Variants in WWC1 observed in about 807,000 individuals in gnomAD.
WWC1 encodes WW and C2 domain containing 1.
In WWC1, 55 loss-of-function variants were observed where a neutral mutation model predicts 138.4. The observed-to-expected ratio is 0.40, with a 90% CI of 0.32 to 0.50. The LOEUF (loss-of-function observed/expected upper bound fraction) is 0.50. Among genes scored for constraint, WWC1 ranks in the 20% least tolerant of loss-of-function variants. WWC1 has a pLI of 0.72. For missense variants in WWC1, 1,226 were observed against 1,420.4 expected (o/e 0.86, Z 2.20); for synonymous variants, 524 against 564.9 (o/e 0.93, Z 1.03).
At chr5:168,314,995 A>G (rs773381318) in intron 1 of WWC1, among the ~76,000 whole-genome samples, 39 of 151,966 alleles carry the variant, frequency 2.6e-4, no homozygotes, top group Non-Finnish European at 4.0e-4. Context: ...CTCAGAAGAC[A>G]CTCAGTCCGT....
At chr5:168,375,853 A>T (rs1582083267) in intron 2 of WWC1, among the ~76,000 whole-genome samples, 1 of 151,184 alleles carries the variant, frequency 6.6e-6, no homozygotes, top group South Asian at 2.1e-4. Context: ...GGGAATACAG[A>T]CGTGAGCCAC....
chr5:168,296,845 G>C (rs1769578860), intron 1 of WWC1, among the ~76,000 whole-genome samples: 1 of 152,182 alleles, frequency 6.6e-6, no homozygotes, highest in South Asian at 2.1e-4. Flanking sequence ...TTTACTTCCT[G>C]CTGAGTTAGC....
Position 168,454,111 on chromosome 5 carries a change from C to A in WWC1, c.2658+11C>A, listed in dbSNP as rs1756087170. On this transcript the variant is annotated intron_variant, in intron 18 of 22. Transcript: ENST00000265293. ...TACCCAGCATTAAAGGTAGGAAGGG[C>A]TGGGGGGATAGAAGGGCTGTCGTGG... is the stretch of plus-strand genomic sequence containing the variant. 1.2e-6 allele frequency: 2 copies of A among 1,609,794 alleles called. No homozygotes were observed. The highest frequency in any genetic ancestry group is 1.7e-6 in the Non-Finnish European group (2 of 1,178,890).
chr5:168,381,609 C>T (rs956699061), intron 2 of WWC1, among the ~76,000 whole-genome samples: 1 of 152,104 alleles, frequency 6.6e-6, no homozygotes, highest in East Asian at 1.9e-4. Flanking sequence ...AAAAAATTCT[C>T]CCGGGTGATT....
intron 7 of WWC1, among the ~76,000 whole-genome samples, chr5:168,409,566 T>C (rs1780066586): frequency 6.6e-6 from 1 of 152,180 alleles, no homozygotes; most frequent in South Asian, 2.1e-4. Flanking sequence ...GCCCCTAGAA[T>C]GAGTTTCTTG....
intron 1 of WWC1, among the ~76,000 whole-genome samples, chr5:168,315,143 A>G (rs1260227866): frequency 1.3e-5 from 2 of 151,964 alleles, no homozygotes; most frequent in Admixed American, 6.6e-5. Context: ...TTCCAGGAAA[A>G]TAAACCAATA....
intron 12 of WWC1, 39 bp from the exon 13 acceptor site, chr5:168,428,668 G>A (rs1284514402): frequency 2.5e-6 from 4 of 1,597,580 alleles, no homozygotes; most frequent in Non-Finnish European, 3.4e-6. Context: ...TTTGTTCACT[G>A]TAGGGAAGCC....
chr5:168,445,654 A>T (rs549308677), intron 17 of WWC1, among the ~76,000 whole-genome samples: 3 of 141,872 alleles, frequency 2.1e-5, no homozygotes, highest in African/African-American at 2.7e-5. Flanking sequence ...GTGAACCGAG[A>T]TTGCGCCACT....
chr5:168,311,677 C>T (rs1256379866), intron 1 of WWC1, among the ~76,000 whole-genome samples: 1 of 152,116 alleles, frequency 6.6e-6, no homozygotes, highest in Non-Finnish European at 1.5e-5. Context: ...TCAAGACCAG[C>T]CTGGCCAACA....
intron 3 of WWC1, among the ~76,000 whole-genome samples, chr5:168,395,442 G>A (rs2152828187): frequency 6.6e-6 from 1 of 152,254 alleles, no homozygotes; most frequent in Admixed American, 6.5e-5. Context: ...TTAATATTTT[G>A]TTGAAAGGAC....
At chr5:168,368,148 C>T (rs6555804) in intron 1 of WWC1, among the ~76,000 whole-genome samples, 82,559 of 148,118 alleles carry the variant, frequency 0.56, 23,131 homozygotes, top group South Asian at 0.65. Flanking sequence ...TGGAGTGCAA[C>T]GGCACGATCT....
chr5:168,386,606 A>G (rs1778069507), intron 3 of WWC1, among the ~76,000 whole-genome samples: 1 of 151,726 alleles, frequency 6.6e-6, no homozygotes, highest in Non-Finnish European at 1.5e-5. Context: ...TGTGTTAGCC[A>G]GGATGATCTC....
chr5:168,416,765 T>C (rs1780691440), intron 9 of WWC1, among the ~76,000 whole-genome samples: 1 of 152,238 alleles, frequency 6.6e-6, no homozygotes. Context: ...AAAAACAGGA[T>C]ACATTAAGTC....
chr5:168,357,387 G>A (rs530312890), intron 1 of WWC1, among the ~76,000 whole-genome samples: 35 of 151,058 alleles, frequency 2.3e-4, no homozygotes, highest in South Asian at 4.2e-4. Flanking sequence ...AGCTCAAAGC[G>A]TCTGCCAACC....
chr5:168,418,130 A>G (rs1780793627), intron 9 of WWC1, among the ~76,000 whole-genome samples: 2 of 152,138 alleles, frequency 1.3e-5, no homozygotes, highest in Non-Finnish European at 2.9e-5. Flanking sequence ...TCTTCACACA[A>G]CAGCCTCACA....
chr5:168,333,575 C>T (rs1773209820), intron 1 of WWC1, among the ~76,000 whole-genome samples: 1 of 152,164 alleles, frequency 6.6e-6, no homozygotes, highest in Admixed American at 6.5e-5. Context: ...CTTTTGCAAC[C>T]TGTAGAGGCT....
chr5:168,447,795 CTCTCTCTCTG>C (rs1334268125), intron 17 of WWC1, among the ~76,000 whole-genome samples: 1 of 151,456 alleles, frequency 6.6e-6, no homozygotes, highest in African/African-American at 2.4e-5. Flanking sequence ...CTCTTTCTTT[CTCTCTCTCTG>C]TCTGTTTCTC....
intron 2 of WWC1, among the ~76,000 whole-genome samples, chr5:168,378,140 T>G (rs576032996): frequency 6.6e-6 from 1 of 152,310 alleles, no homozygotes; most frequent in African/African-American, 2.4e-5. Flanking sequence ...TGGATGCAGT[T>G]GGAGGCCATT....
chr5:168,302,462 G>T (rs1348817649), intron 1 of WWC1, among the ~76,000 whole-genome samples: 4 of 152,128 alleles, frequency 2.6e-5, no homozygotes, highest in Admixed American at 2.6e-4. Flanking sequence ...GTTCTCTAGA[G>T]CTCTTTTAGG....
Sources: gnomAD v4.1 joint callset for allele counts (sites outside exome capture counted in the v4.1 genomes callset) on GRCh38, gnomAD v4.1.1 for gene constraint, MANE v1.5 for transcripts, NCBI Gene and HGNC (gene_info 2026-07-23, HGNC 2026-07-21) for gene names.